Variants in TLK1 observed in about 807,000 individuals in gnomAD.
The protein encoded by TLK1 is serine/threonine-protein kinase tousled-like 1.
A neutral mutation model predicts 105.3 loss-of-function variants in TLK1; 24 were observed. The ratio of observed to expected loss-of-function variants is 0.23; its 90% CI spans 0.17 to 0.32. The LOEUF is 0.32. TLK1 is among the 10% of genes least tolerant of loss of function. The pLI, the probability that TLK1 is intolerant of heterozygous loss-of-function variation, is 1.00. For synonymous variants in TLK1, 321 were observed against 310.4 expected (o/e 1.03, Z -0.36); for missense variants, 558 against 910.5 (o/e 0.61, Z 4.98).
chr2:171,013,919 T>G (rs1685049321), intron 13 of TLK1, among the ~76,000 whole-genome samples: 1 of 152,244 alleles, frequency 6.6e-6, no homozygotes, highest in Admixed American at 6.5e-5. Flanking sequence ...GCTCAATTTC[T>G]ATCTTTTTCA....
intron 1 of TLK1, chr2:171,231,124 A>G (rs928111634): frequency 2.6e-5 from 4 of 152,208 alleles, no homozygotes; most frequent in African/African-American, 9.6e-5. Context: ...GCTTAAAAAT[A>G]ACAGAAATTT....
At chr2:171,154,194 A>C (rs969676997) in intron 1 of TLK1, among the ~76,000 whole-genome samples, 8 of 152,048 alleles carry the variant, frequency 5.3e-5, no homozygotes, top group Non-Finnish European at 1.0e-4. Context: ...GCCTGATGAT[A>C]TTCTCTTAAA....
At chr2:171,178,922 TA>T (rs1050737309) in intron 1 of TLK1, among the ~76,000 whole-genome samples, 6 of 152,258 alleles carry the variant, frequency 3.9e-5, no homozygotes, top group African/African-American at 1.4e-4. Flanking sequence ...ATATACTTTT[TA>T]TTACATTGGA....
chr2:171,148,076 G>A (rs1691863394), intron 1 of TLK1, among the ~76,000 whole-genome samples: 1 of 152,018 alleles, frequency 6.6e-6, no homozygotes, highest in Admixed American at 6.5e-5. Flanking sequence ...ATTTTTACTT[G>A]AGATGGGGTT....
At position 171,059,178 on chromosome 2, in the gene TLK1, T is replaced by C. The variant is rs547484740; in HGVS notation, c.407-981A>G. 9.2e-5 allele frequency among the ~76,000 whole-genome samples: 14 copies of C among 152,352 alleles called. 1 individual carries two copies. In the South Asian group the frequency reaches 1.0e-3, roughly 11 times the overall value. ...GATTTATTTAGAGGTCAGAGATGAC[T>C]GTAAAGGTCTTATACTAAAGGGACT... is the stretch of plus-strand genomic sequence containing the variant. On this transcript the variant is annotated intron_variant, in intron 4 of 20. Coordinates refer to ENST00000431350, the MANE Select transcript of TLK1 (RefSeq NM_012290.5).
intron 1 of TLK1, among the ~76,000 whole-genome samples, chr2:171,219,918 A>G (rs923357963): frequency 6.6e-6 from 1 of 151,994 alleles, no homozygotes; most frequent in African/African-American, 2.4e-5. Flanking sequence ...TCCTTTTTTA[A>G]GGGCACTAAT....
At chr2:171,142,491 T>C (rs1197160180) in intron 1 of TLK1, among the ~76,000 whole-genome samples, 2 of 152,102 alleles carry the variant, frequency 1.3e-5, no homozygotes, top group African/African-American at 4.8e-5. Flanking sequence ...AACACTAGAT[T>C]AAAAACACTA....
intron 18 of TLK1, among the ~76,000 whole-genome samples, chr2:170,999,770 T>G (rs769972466): frequency 2.4e-4 from 37 of 152,044 alleles, no homozygotes; most frequent in Non-Finnish European, 5.2e-4. Flanking sequence ...TTATTTTTAT[T>G]TTTTTTTGAG....
intron 1 of TLK1, among the ~76,000 whole-genome samples, chr2:171,157,150 A>G (rs1692270381): frequency 6.6e-6 from 1 of 152,228 alleles, no homozygotes; most frequent in African/African-American, 2.4e-5. Context: ...CAAAAAAGTA[A>G]AGCAAATTAT....
At chr2:171,156,010 T>C (rs1253023027) in intron 1 of TLK1, among the ~76,000 whole-genome samples, 1 of 152,226 alleles carries the variant, frequency 6.6e-6, no homozygotes, top group Non-Finnish European at 1.5e-5. Flanking sequence ...TTTAAATGTA[T>C]CTTCCATAGA....
At chr2:171,000,038 T>C (rs1025630628) in intron 18 of TLK1, among the ~76,000 whole-genome samples, 3 of 152,062 alleles carry the variant, frequency 2.0e-5, no homozygotes, top group African/African-American at 7.2e-5. Context: ...TGAGCCCCCA[T>C]ACCTGGCCAC....
At chr2:171,115,589 GA>G (rs1690388450) in intron 2 of TLK1, among the ~76,000 whole-genome samples, 2 of 152,106 alleles carry the variant, frequency 1.3e-5, no homozygotes, top group South Asian at 4.1e-4. Context: ...GCCAAGAGAA[GA>G]AAATGACAGA....
intron 12 of TLK1, among the ~76,000 whole-genome samples, chr2:171,021,426 G>A (rs1204007691): frequency 2.3e-5 from 3 of 131,742 alleles, no homozygotes; most frequent in East Asian, 4.3e-4. Flanking sequence ...CTGCTTTCCC[G>A]CCCCGACTTT....
At chr2:170,995,766 G>A (rs181411097) in intron 20 of TLK1, among the ~76,000 whole-genome samples, 7 of 152,048 alleles carry the variant, frequency 4.6e-5, no homozygotes, top group African/African-American at 7.2e-5. Context: ...GCAGTGGTGC[G>A]ATCTCACCTC....
rs762646378 is a variant in TLK1 at position 171,055,222 on chromosome 2, CACAAA to C, written c.550-55_550-51del. ...TATTAGCAAAAAAAAAAAAAAAAAA[CACAAA>C]ACAAAACAGATTTCTAATTAGCAAC... On this transcript the variant is annotated intron_variant, in intron 6 of 20. Transcript: ENST00000431350. 5.2e-4 allele frequency: 260 copies of C among 499,354 alleles called. 2 individuals are homozygous for C. The African/African-American group carries it at 5.7e-3, about 11-fold the overall frequency. 30.9% of individuals were successfully genotyped at this position (499,354 alleles called of 1,614,324 possible). A position where few individuals can be genotyped will look rare whatever the true frequency, so the allele number is the denominator to read the frequency against.
rs140644412 is a variant in TLK1, at chr2:171,084,652, A to C, written c.259-1800T>G. ...GTCATAAAGGTATAAGAAAAAATAA[A>C]GTAAGATACAGAATAACATCCAGAT... On this transcript the variant is annotated intron_variant, in intron 2 of 20. Coordinates refer to ENST00000431350, the MANE Select transcript of TLK1 (RefSeq NM_012290.5). Among the ~76,000 whole-genome samples the C allele has an allele frequency of 1.7e-3, 257 of 152,352 alleles. 2 individuals carry two copies. Among genetic ancestry groups the C allele is most frequent in the Admixed American group, 0.013 (200 of 15,304 alleles).
intron 2 of TLK1, among the ~76,000 whole-genome samples, chr2:171,091,414 C>A (rs2105490101): frequency 6.6e-6 from 1 of 152,276 alleles, no homozygotes; most frequent in African/African-American, 2.4e-5. Flanking sequence ...ATTTGAAAGT[C>A]AAGTCTTATG....
chr2:171,043,818 G>A (rs1269540821), intron 11 of TLK1, among the ~76,000 whole-genome samples: 1 of 152,036 alleles, frequency 6.6e-6, no homozygotes, highest in East Asian at 1.9e-4. Flanking sequence ...GGACTCAAGT[G>A]ATCCTCCCAC....
Position 171,101,414 on chromosome 2 carries a change from T to C in TLK1, c.258+16325A>G, listed in dbSNP as rs191678190. On this transcript the variant is annotated intron_variant, in intron 2 of 20. Transcript: ENST00000431350. ...TGTATCACTCCATTGATATAAAATG[T>C]CCAGAACAAGCAAATCCAGAGATAC... is the stretch of plus-strand genomic sequence containing the variant. Among the ~76,000 whole-genome samples the C allele has an allele frequency of 2.2e-3, 333 of 150,088 alleles. 1 individual carries two copies. Among genetic ancestry groups the C allele is most frequent in the Admixed American group, 8.5e-3 (128 of 15,030 alleles).
Sources: allele counts gnomAD v4.1 joint callset (sites outside exome capture counted in the v4.1 genomes callset), GRCh38; gene constraint gnomAD v4.1.1; transcripts MANE v1.5; gene names NCBI Gene and HGNC (gene_info 2026-07-23, HGNC 2026-07-21).